The following TXNL4A variants were observed in gnomAD, a reference collection of about 807,000 sequenced individuals.
The protein encoded by TXNL4A is thioredoxin like 4A.
Under a neutral mutation model 14.6 loss-of-function variants are expected in TXNL4A, and 17 were observed. That is an observed-to-expected ratio of 1.16 (90% CI 0.80 to 1.74). TXNL4A has a LOEUF of 1.74. Ranked by LOEUF, TXNL4A falls within the 40% of genes most tolerant of loss-of-function variation. The probability of loss-of-function intolerance (pLI) is 0.00; values close to 1 mark genes in which losing one functional copy is unlikely to be tolerated. For missense variants in TXNL4A, 74 were observed against 195.2 expected, an observed-to-expected ratio of 0.38 and a Z score of 3.70; for synonymous variants, 83 against 70.6, an observed-to-expected ratio of 1.18 and a Z score of -0.88.
chr18:79,976,745 T>C (rs746476112), intron 2 of TXNL4A: 6 of 455,804 alleles, frequency 1.3e-5, no homozygotes, highest in South Asian at 9.3e-5. Flanking sequence ...TTTTGGAGAA[T>C]GGTCTAATGC....
At chr18:79,994,432 A>C (rs556123327) in intron 1 of TXNL4A, among the ~76,000 whole-genome samples, 1 of 151,864 alleles carries the variant, frequency 6.6e-6, no homozygotes, top group Admixed American at 6.6e-5. Context: ...TCTCTTAAAG[A>C]AATCCTCCCA....
chr18:80,006,796 G>C (rs1447698100), intron 1 of TXNL4A, among the ~76,000 whole-genome samples: 4 of 152,202 alleles, frequency 2.6e-5, no homozygotes, highest in African/African-American at 9.6e-5. Context: ...ATGAGCTTGA[G>C]AAGGTGGTGT....
chr18:80,018,305 A>G (rs2051825791), intron 1 of TXNL4A, among the ~76,000 whole-genome samples: 1 of 152,366 alleles, frequency 6.6e-6, no homozygotes, highest in East Asian at 1.9e-4. Flanking sequence ...AAGACACAAC[A>G]TACCAGAATC....
At chr18:79,976,554 G>C (rs774922362) in intron 2 of TXNL4A, among the ~76,000 whole-genome samples, 2 of 152,170 alleles carry the variant, frequency 1.3e-5, no homozygotes, top group Non-Finnish European at 2.9e-5. Flanking sequence ...TTCAGACCTT[G>C]TGAGACCCTG....
intron 1 of TXNL4A, among the ~76,000 whole-genome samples, chr18:79,998,287 C>T (rs767558923): frequency 2.7e-5 from 4 of 150,082 alleles, no homozygotes; most frequent in Admixed American, 6.6e-5. Context: ...AGCGAGACTC[C>T]GTCTCAAAAA....
At chr18:80,006,936 G>A (rs2364974) in intron 1 of TXNL4A, among the ~76,000 whole-genome samples, 117,792 of 152,064 alleles carry the variant, frequency 0.77, 46,557 homozygotes, top group East Asian at 0.91. Flanking sequence ...CGCGCCAGGC[G>A]CCACGTTGCC....
chr18:79,994,419 A>C (rs911502534), intron 1 of TXNL4A, among the ~76,000 whole-genome samples: 7 of 151,816 alleles, frequency 4.6e-5, no homozygotes, highest in South Asian at 2.1e-4. Flanking sequence ...CTAATCATTT[A>C]TCTCTCTTAA....
At chr18:80,021,321 C>T (rs2051847533) in intron 1 of TXNL4A, among the ~76,000 whole-genome samples, 1 of 152,028 alleles carries the variant, frequency 6.6e-6, no homozygotes, top group African/African-American at 2.4e-5. Context: ...GGACTATGGG[C>T]ACCCGCCACC....
intron 1 of TXNL4A, chr18:79,977,910 C>T: frequency 5.4e-6 from 3 of 555,084 alleles, no homozygotes; most frequent in Non-Finnish European, 9.6e-6. Context: ...CTCAAGCTAT[C>T]CTCCCACCTC....
At position 79,973,509 on chromosome 18, in the gene TXNL4A, C is replaced by A; in HGVS notation, c.*176G>T. 1.5e-6 allele frequency: 1 copy of A among 672,422 alleles called. No individual in the cohort carries two copies. The highest frequency in any genetic ancestry group is 2.8e-5 in the South Asian group (1 of 35,168). The allele number at this position is 672,422 out of a possible 1,614,324, so 41.7% of individuals were successfully genotyped here. A position where few individuals can be genotyped will look rare whatever the true frequency, so the allele number is the denominator to read the frequency against. On this transcript the variant is annotated 3_prime_UTR_variant, in exon 3 of 3. Transcript: ENST00000269601. ...GTTTCCTGAGAACAAACAAGTAGGCCTGCTCCTCTCACCACGTGCTTGTTT... is the reference window on the plus strand; with the variant it reads ...GTTTCCTGAGAACAAACAAGTAGGCATGCTCCTCTCACCACGTGCTTGTTT...
Position 79,983,985 on chromosome 18 carries a change from C to A in TXNL4A, c.153+4255G>T, listed in dbSNP as rs555714108. Among the ~76,000 whole-genome samples the A allele has an allele frequency of 4.6e-5, 7 of 152,080 alleles. No individual in the cohort carries two copies. In the East Asian group the frequency reaches 1.4e-3, roughly 29 times the overall value. On this transcript the variant is annotated intron_variant, in intron 1 of 2. Coordinates refer to ENST00000269601, the MANE Select transcript of TXNL4A (RefSeq NM_006701.5). ...CATACCTTGTGGCTAGAGTCTGCAC[C>A]CTCAACCGCCACTCAACACCACCCC...
chr18:80,013,890 T>C (rs2051789196), intron 1 of TXNL4A, among the ~76,000 whole-genome samples: 1 of 152,230 alleles, frequency 6.6e-6, no homozygotes, highest in South Asian at 2.1e-4. Context: ...TAGACTTATA[T>C]TTCCACATAG....
At chr18:79,977,771 T>C (rs1185602543) in intron 1 of TXNL4A, 70 bp from the exon 2 acceptor site, 2 of 1,070,614 alleles carry the variant, frequency 1.9e-6, no homozygotes, top group Non-Finnish European at 2.8e-6. Context: ...GAAGCACATT[T>C]ATAAAAACAA....
intron 1 of TXNL4A, among the ~76,000 whole-genome samples, chr18:79,983,513 G>A (rs1449272342): frequency 6.6e-6 from 1 of 152,144 alleles, no homozygotes; most frequent in East Asian, 1.9e-4. Flanking sequence ...ACCAACCACT[G>A]TTCTACACTT....
At chr18:80,015,242 A>G (rs957251746) in intron 1 of TXNL4A, among the ~76,000 whole-genome samples, 1 of 151,630 alleles carries the variant, frequency 6.6e-6, no homozygotes, top group African/African-American at 2.4e-5. Context: ...GCCAGCTTGA[A>G]TTTCTCCTCA....
At chr18:80,006,246 T>TG (rs1192728549) in intron 1 of TXNL4A, among the ~76,000 whole-genome samples, 4 of 152,002 alleles carry the variant, frequency 2.6e-5, no homozygotes, top group Admixed American at 6.6e-5. Flanking sequence ...TAGCCGGGTG[T>TG]GGTGGCATGC....
At chr18:80,019,960 G>A (rs2051837488) in intron 1 of TXNL4A, among the ~76,000 whole-genome samples, 1 of 152,112 alleles carries the variant, frequency 6.6e-6, no homozygotes, top group African/African-American at 2.4e-5. Context: ...ATATGGTTTG[G>A]CTGTGTCCCC....
chr18:80,019,563 C>G lies in TXNL4A; in HGVS notation c.-61+14288G>C, dbSNP rs533809946. Among the ~76,000 whole-genome samples, 106 of 152,248 alleles carry G rather than the reference C, an allele frequency of 7.0e-4. 1 individual carries two copies. Among genetic ancestry groups the G allele is most frequent in the Admixed American group, 8.5e-4 (13 of 15,288 alleles). On this transcript the variant is annotated intron_variant, in intron 1 of 2. Transcript: ENST00000585474. ...ATTTATTACCTGATAATAAGGTTGG[C>G]AAGGGGTGGCATTTCTGCCCAGGGA... is the stretch of plus-strand genomic sequence containing the variant.
chr18:79,983,100 A>G (rs1448890033), intron 1 of TXNL4A, among the ~76,000 whole-genome samples: 3 of 152,096 alleles, frequency 2.0e-5, no homozygotes, highest in African/African-American at 7.2e-5. Context: ...TCCCAGCCTC[A>G]AGAGATCCTC....
Sources: allele counts gnomAD v4.1 joint callset (sites outside exome capture counted in the v4.1 genomes callset), GRCh38; gene constraint gnomAD v4.1.1; transcripts MANE v1.5; gene names NCBI Gene and HGNC (gene_info 2026-07-23, HGNC 2026-07-21).